SCN11A: variants seen among roughly 807,000 people sequenced by gnomAD.
SCN11A encodes the protein sodium voltage-gated channel alpha subunit 11.
SCN11A carries 122 observed loss-of-function variants against 162.2 expected under a neutral mutation model. The ratio of observed to expected loss-of-function variants is 0.75; its 90% CI spans 0.65 to 0.87. SCN11A has a LOEUF of 0.87. SCN11A is among the 40% of genes least tolerant of loss of function. SCN11A has a pLI of 0.00. For synonymous variants in SCN11A, 758 were observed against 751.5 expected, an observed-to-expected ratio of 1.01 and a Z score of -0.14; for missense variants, 2,015 against 2,181.6, an observed-to-expected ratio of 0.92 and a Z score of 1.52.
chr3:38,923,001 TAAAGA>T (rs927201904), intron 9 of SCN11A, among the ~76,000 whole-genome samples: 24 of 152,150 alleles, frequency 1.6e-4, no homozygotes, highest in Admixed American at 5.9e-4. Context: ...TTTGTTTTAG[TAAAGA>T]AAAGAGAGGA....
chr3:38,846,348 G>C lies in SCN11A; in HGVS notation c.*346C>G. Reference sequence around the variant, plus strand: ...AGGATGGTCTCGATCTCTTGACCTCGTGATCCACCTGCCTTGGCCTCTCAA... The same window carrying C: ...AGGATGGTCTCGATCTCTTGACCTCCTGATCCACCTGCCTTGGCCTCTCAA... On this transcript the variant is annotated 3_prime_UTR_variant, in exon 30 of 30. Transcript: ENST00000302328. The C allele has an allele frequency of 1.4e-5, 3 of 211,898 alleles. No homozygotes were observed. In the South Asian group the frequency reaches 2.8e-4, roughly 20 times the overall value. 13.1% of individuals were successfully genotyped at this position (211,898 alleles called of 1,614,324 possible). A position where few individuals can be genotyped will look rare whatever the true frequency, so the allele number is the denominator to read the frequency against.
chr3:38,870,789 G>C, intron 25 of SCN11A, 45 bp from the exon 26 acceptor site: 1 of 1,543,038 alleles, frequency 6.5e-7, no homozygotes, highest in Non-Finnish European at 9.0e-7. Context: ...ATGTAGACTT[G>C]CCATCAACAG....
intron 2 of SCN11A, among the ~76,000 whole-genome samples, chr3:39,023,975 C>T (rs2031518168): frequency 6.6e-6 from 1 of 152,124 alleles, no homozygotes; most frequent in Non-Finnish European, 1.5e-5. Flanking sequence ...TTCAGTCCCC[C>T]TTCCCAATCA....
At chr3:38,973,023 T>C (rs968386289) in intron 2 of SCN11A, among the ~76,000 whole-genome samples, 6 of 152,188 alleles carry the variant, frequency 3.9e-5, no homozygotes, top group African/African-American at 1.4e-4. Flanking sequence ...AGTTACATTA[T>C]ATAGGAGACA....
chr3:39,035,087 A>T (rs1034697745), intron 1 of SCN11A, among the ~76,000 whole-genome samples: 3 of 150,166 alleles, frequency 2.0e-5, no homozygotes, highest in Non-Finnish European at 4.4e-5. Flanking sequence ...TCACAGAAAT[A>T]AAAAAAAATC....
At chr3:38,916,559 G>A (rs2065964017) in intron 11 of SCN11A, among the ~76,000 whole-genome samples, 1 of 152,112 alleles carries the variant, frequency 6.6e-6, no homozygotes. Flanking sequence ...CTTCCTTTGT[G>A]ATCAAGACCA....
At chr3:38,947,329 G>A (rs942580201) in intron 5 of SCN11A, among the ~76,000 whole-genome samples, 10 of 152,356 alleles carry the variant, frequency 6.6e-5, no homozygotes, top group African/African-American at 2.4e-4. Flanking sequence ...CCACAGGTCT[G>A]AGAAATGCTG....
Position 38,846,876 on chromosome 3 carries a change from C to T in SCN11A, c.5194G>A (p.Glu1732Lys). The change falls in exon 30 of 30, where the codon GAA becomes AAA. Residue 1732 changes from glutamate to lysine, a missense_variant. Transcript: ENST00000302328. ...ATAATAGCAGCACCTCTTTCCTCTT[C>T]CTTTCTCTTGGTGGTGGTGACTATG... Reference protein sequence around the residue: ...EPIVTTTKRKEEERGAAIIQK... With the variant: ...EPIVTTTKRKKEERGAAIIQK... 1 of 1,614,092 alleles carries T rather than the reference C, an allele frequency of 6.2e-7. No individual in the cohort carries two copies. Among genetic ancestry groups the T allele is most frequent in the Non-Finnish European group, 8.5e-7 (1 of 1,180,026 alleles).
At chr3:38,961,940 C>T (rs775689568) in intron 2 of SCN11A, among the ~76,000 whole-genome samples, 4 of 152,284 alleles carry the variant, frequency 2.6e-5, no homozygotes, top group African/African-American at 7.2e-5. Context: ...AAATTCTTGC[C>T]TAAGCCAATG....
At chr3:38,881,853 A>G (rs1046507229) in intron 22 of SCN11A, among the ~76,000 whole-genome samples, 1 of 152,188 alleles carries the variant, frequency 6.6e-6, no homozygotes, top group Non-Finnish European at 1.5e-5. Flanking sequence ...CCGAAGGCAG[A>G]TAAGAACTGG....
intron 2 of SCN11A, among the ~76,000 whole-genome samples, chr3:39,030,040 G>T (rs997868893): frequency 6.6e-6 from 1 of 152,160 alleles, no homozygotes; most frequent in Non-Finnish European, 1.5e-5. Flanking sequence ...GTGCTTGCTG[G>T]TCTCAAGAGT....
chr3:39,034,201 C>A (rs747226632), intron 1 of SCN11A, among the ~76,000 whole-genome samples: 1 of 148,308 alleles, frequency 6.7e-6, no homozygotes, highest in Non-Finnish European at 1.5e-5. Flanking sequence ...ATACAGGAGG[C>A]AACAAAATAC....
rs528111039 is a variant in SCN11A, at chr3:38,952,489, C to T, written c.-8+1140G>A. On this transcript the variant is annotated intron_variant, in intron 4 of 29. Transcript: ENST00000302328. ...GGTTTGTTCCTTCAACAATTATATG[C>T]CCTGTGTCTGTTCTAGGCATGGTGC... Among the ~76,000 whole-genome samples the T allele has an allele frequency of 3.3e-5, 5 of 152,304 alleles. No homozygotes were observed. The East Asian group carries it at 9.6e-4, about 29-fold the overall frequency.
At chr3:39,046,208 C>T (rs948087549) in intron 1 of SCN11A, among the ~76,000 whole-genome samples, 17 of 149,090 alleles carry the variant, frequency 1.1e-4, no homozygotes, top group African/African-American at 2.5e-4. Context: ...TGCAGTGAGC[C>T]GAGATCAGGC....
intron 2 of SCN11A, among the ~76,000 whole-genome samples, chr3:39,019,489 CTCTT>C (rs2031389642): frequency 6.6e-6 from 1 of 152,184 alleles, no homozygotes. Flanking sequence ...ATCAATTAAA[CTCTT>C]TCTTTACTGC....
rs1276486872 is a variant in SCN11A at position 38,847,742 on chromosome 3, C to A, written c.4328G>T (p.Ser1443Ile). ...DCVVVLLSIVSTMISTLENQE... is the reference protein window; with the variant it reads ...DCVVVLLSIVITMISTLENQE... ...ATTTTCCAAGGTAGAAATCATTGTACCTCAGGAGAAGGAGAAAAGTAAATA... is the reference window on the plus strand; with the variant it reads ...ATTTTCCAAGGTAGAAATCATTGTAACTCAGGAGAAGGAGAAAAGTAAATA... The change falls in exon 30 of 30, where the codon AGT becomes ATT. Residue 1443 changes from serine to isoleucine, a missense_variant and splice_region_variant. Ser to Ile is a moderately radical substitution (Grantham distance 142, BLOSUM62 -2). Coordinates refer to ENST00000302328, the MANE Select transcript of SCN11A (RefSeq NM_001349253.2). The A allele has an allele frequency of 1.9e-6, 3 of 1,569,068 alleles. No homozygotes were observed. The highest frequency in any genetic ancestry group is 1.4e-5 in the African/African-American group (1 of 72,684).
At chr3:38,905,046 A>G in intron 15 of SCN11A, 146 bp downstream of exon 15, 5 of 1,035,248 alleles carry the variant, frequency 4.8e-6, no homozygotes, top group Non-Finnish European at 7.3e-6. Flanking sequence ...CCAAAGAGGC[A>G]AAGGAAGTCA....
intron 18 of SCN11A, among the ~76,000 whole-genome samples, chr3:38,896,454 C>T (rs967947140): frequency 6.6e-5 from 10 of 152,128 alleles, no homozygotes; most frequent in Admixed American, 4.6e-4. Context: ...GGAAGTAAAA[C>T]GATCATTTTT....
chr3:38,931,041 G>C (rs542423295), intron 7 of SCN11A, among the ~76,000 whole-genome samples: 1 of 152,358 alleles, frequency 6.6e-6, no homozygotes, highest in East Asian at 1.9e-4. Context: ...CTCCTGATCT[G>C]TCTCCTCCAT....
Sources: gnomAD v4.1 joint callset for allele counts (sites outside exome capture counted in the v4.1 genomes callset) on GRCh38, gnomAD v4.1.1 for gene constraint, MANE v1.5 for transcripts, NCBI Gene and HGNC (gene_info 2026-07-23, HGNC 2026-07-21) for gene names.